Variants in CLEC12A observed in about 807,000 individuals in gnomAD.
The protein encoded by CLEC12A is C-type lectin protein CLL-1.
A neutral mutation model predicts 26.5 loss-of-function variants in CLEC12A; 22 were observed. The observed-to-expected ratio is 0.83, with a 90% CI of 0.59 to 1.19. CLEC12A has a LOEUF of 1.19. CLEC12A is among the 50% of genes most tolerant of loss of function. CLEC12A has a pLI of 0.00. For missense variants in CLEC12A, 353 were observed against 315.6 expected (o/e 1.12, Z -0.90); for synonymous variants, 119 against 101.9 (o/e 1.17, Z -1.01).
intron 1 of CLEC12A, among the ~76,000 whole-genome samples, chr12:9,976,763 T>G (rs916502647): frequency 2.6e-5 from 4 of 152,168 alleles, no homozygotes; most frequent in African/African-American, 9.7e-5. Context: ...TCTTGAATTA[T>G]AGCTCCCACA....
intron 5 of CLEC12A, chr12:9,983,756 C>A: frequency 4.4e-6 from 2 of 458,864 alleles, no homozygotes; most frequent in East Asian, 3.5e-5. Flanking sequence ...TTTGCTTTTT[C>A]TTTCACATAG....
chr12:9,951,839 C>G (rs1693178717), intron 1 of CLEC12A: 1 of 170,304 alleles, frequency 5.9e-6, no homozygotes, highest in African/African-American at 2.4e-5. Context: ...ACATCTCTAC[C>G]CGTATCACGC....
At position 9,956,860 on chromosome 12, in the gene CLEC12A, G is replaced by A. The variant is rs1372808549; in HGVS notation, c.10+5504G>A. Among the ~76,000 whole-genome samples the A allele has an allele frequency of 5.3e-5, 8 of 152,186 alleles. 1 individual carries two copies. The East Asian group carries it at 1.5e-3, about 29-fold the overall frequency. ...ATGGCAACCTGGTCATCCATGGTAT[G>A]GAGATACATCTGTGCTGTGCTGCAT... On this transcript the variant is annotated intron_variant, in intron 1 of 6. Coordinates refer to the CLEC12A transcript ENST00000355690.
upstream of CLEC12A, among the ~76,000 whole-genome samples, chr12:9,969,697 C>T (rs996650001): frequency 1.3e-5 from 2 of 152,076 alleles, no homozygotes; most frequent in Admixed American, 6.6e-5. Flanking sequence ...GTGTGGTGGC[C>T]GGTTTCCATC....
chr12:9,996,857 G>A (rs1389444399), downstream of CLEC12A: 11 of 1,613,828 alleles, frequency 6.8e-6, no homozygotes, highest in South Asian at 1.1e-5. Context: ...ACAATGTTCC[G>A]GTTGTCAATC....
downstream of CLEC12A, chr12:9,985,948 T>C: frequency 5.7e-6 from 1 of 174,090 alleles, no homozygotes; most frequent in East Asian, 1.6e-4. Context: ...TTTGGAGGTT[T>C]GACCTTGACC....
intron 1 of CLEC12A, among the ~76,000 whole-genome samples, chr12:9,973,934 T>G (rs954237864): frequency 6.6e-6 from 1 of 152,206 alleles, no homozygotes; most frequent in Admixed American, 6.5e-5. Flanking sequence ...AATCCTTGCT[T>G]GACCACTTAA....
chr12:10,003,654 C>G, the CLEC12A span, among the ~76,000 whole-genome samples: 1 of 152,156 alleles, frequency 6.6e-6, no homozygotes, highest in Non-Finnish European at 1.5e-5. Context: ...TAGCTCACTC[C>G]TGTAATCCCA....
At chr12:9,958,429 T>C (rs1236301856) in intron 1 of CLEC12A, among the ~76,000 whole-genome samples, 3 of 152,194 alleles carry the variant, frequency 2.0e-5, no homozygotes, top group Non-Finnish European at 4.4e-5. Context: ...AAATGCCAAG[T>C]GGAGCACTCC....
At chr12:9,979,219 C>G in intron 2 of CLEC12A, 117 bp from the exon 3 acceptor site, 1 of 973,958 alleles carries the variant, frequency 1.0e-6, no homozygotes, top group Non-Finnish European at 1.6e-6. Flanking sequence ...CTTTCCCTCA[C>G]TCCTGTAGAG....
At chr12:9,997,336 A>G, downstream of CLEC12A, 1 of 1,484,732 alleles carries the variant, frequency 6.7e-7, no homozygotes, top group Non-Finnish European at 9.2e-7. Flanking sequence ...AAATGATGCA[A>G]AGGTCTGTCA....
the CLEC12A span, among the ~76,000 whole-genome samples, chr12:10,002,440 G>GTTTTTTTTTTTTTTTTTTTTTTTT: frequency 2.5e-5 from 1 of 40,484 alleles, no homozygotes; most frequent in Non-Finnish European, 5.0e-5. Flanking sequence ...GTTGGGTAAT[G>GTTTTTTTTTTTTTTTTTTTTTTTT]TTTTTTTTTT....
the CLEC12A span, among the ~76,000 whole-genome samples, chr12:10,004,553 T>G: frequency 6.6e-6 from 1 of 151,884 alleles, no homozygotes; most frequent in African/African-American, 2.4e-5. Context: ...GTCATGTCAT[T>G]CCACCTTTCA....
intron 1 of CLEC12A, among the ~76,000 whole-genome samples, chr12:9,975,166 G>C (rs1864287848): frequency 1.3e-5 from 2 of 152,136 alleles, no homozygotes; most frequent in Non-Finnish European, 2.9e-5. Context: ...GTGTGAAAAT[G>C]AACTAATGCA....
downstream of CLEC12A, chr12:9,996,897 GT>G: frequency 6.2e-7 from 1 of 1,613,922 alleles, no homozygotes; most frequent in Non-Finnish European, 8.5e-7. Flanking sequence ...TGTCAGTGCA[GT>G]ACTGCTTACT....
At chr12:9,978,257 C>T (rs907330095) in intron 1 of CLEC12A, among the ~76,000 whole-genome samples, 7 of 141,064 alleles carry the variant, frequency 5.0e-5, no homozygotes, top group African/African-American at 1.9e-4. Flanking sequence ...TAATAATTCA[C>T]TCACAAAGTT....
In CLEC12A at chr12:9,980,731, T is replaced by C. The variant is rs772022047; in HGVS notation, c.529T>C (p.Leu177=). The change falls in exon 4 of 6, where the codon TTG becomes CTG. Residue 177 remains leucine (L), a splice_region_variant and synonymous_variant. Coordinates refer to ENST00000304361, the MANE Select transcript of CLEC12A (RefSeq NM_138337.6). The part of the protein sequence containing the change: ...SLLKINNKNA[L]EFIKSQSRSY... ...GTTGAAGATAAACAACAAAAATGCA[T>C]TGGTAAAGCCCAGGTGTTTCTACCA... The C allele has an allele frequency of 4.3e-6, 7 of 1,613,206 alleles. No homozygotes were observed. In the African/African-American group the frequency reaches 5.3e-5, roughly 12 times the overall value.
At position 9,971,681 on chromosome 12, in the gene CLEC12A, G is replaced by A. The variant is rs750345792; in HGVS notation, c.85G>A (p.Glu29Lys). ...AATCCCAGAAATTGGCAAATTTGGG[G>A]AAAAAGGTAAGATTTTGAGTTATGG... ...EKIPEIGKFG[E>K]KAPPAPSHVW... Residue 29 changes from glutamate (E) to lysine (K), a missense_variant, in exon 1 of 6, where the codon GAA (glutamate) becomes AAA (lysine). Physicochemically the swap from Glu to Lys is moderately conservative, Grantham distance 56. Coordinates refer to ENST00000304361, the MANE Select transcript of CLEC12A (RefSeq NM_138337.6). 3 of 1,608,340 alleles carry A rather than the reference G, an allele frequency of 1.9e-6. No homozygotes were observed. The Admixed American group carries it at 5.1e-5, about 27-fold the overall frequency.
At chr12:9,962,831 C>A (rs1371234263) in intron 1 of CLEC12A, among the ~76,000 whole-genome samples, 1 of 152,098 alleles carries the variant, frequency 6.6e-6, no homozygotes, top group Non-Finnish European at 1.5e-5. Flanking sequence ...AGCTTGGGCT[C>A]AGAGGCCTGA....
Sources: gnomAD v4.1 joint callset for allele counts (sites outside exome capture counted in the v4.1 genomes callset) on GRCh38, gnomAD v4.1.1 for gene constraint, MANE v1.5 for transcripts, NCBI Gene and HGNC (gene_info 2026-07-23, HGNC 2026-07-21) for gene names.